HEMK2: variants seen among roughly 807,000 people sequenced by gnomAD.
HEMK2 encodes methyltransferase HEMK2.
the HEMK2 span, among the ~76,000 whole-genome samples, chr21:28,819,401 T>C: frequency 6.6e-6 from 1 of 152,030 alleles, no homozygotes; most frequent in African/African-American, 2.4e-5. Context: ...TATTTAAGCA[T>C]AGGTAAAAGT....
At chr21:28,884,981 G>T in the HEMK2 span, among the ~76,000 whole-genome samples, 2 of 152,158 alleles carry the variant, frequency 1.3e-5, no homozygotes, top group Non-Finnish European at 2.9e-5. Flanking sequence ...AGCAGTCAGG[G>T]AGCTCATGAG....
the HEMK2 span, among the ~76,000 whole-genome samples, chr21:28,740,461 G>A: frequency 9.8e-5 from 15 of 152,312 alleles, no homozygotes; most frequent in East Asian, 3.9e-4. Context: ...TTTACAGTCC[G>A]TTGGCTATCA....
chr21:28,578,133 C>T, the HEMK2 span, among the ~76,000 whole-genome samples: 1 of 152,216 alleles, frequency 6.6e-6, no homozygotes, highest in South Asian at 2.1e-4. Context: ...ACACTCCAGC[C>T]ATTTTGAAAA....
chr21:28,681,006 C>T, the HEMK2 span, among the ~76,000 whole-genome samples: 30,022 of 152,102 alleles, frequency 0.2, 3,190 homozygotes, highest in East Asian at 0.38. Flanking sequence ...CAGGGATGCC[C>T]TCTCTCACCA....
At chr21:28,597,853 T>C in the HEMK2 span, among the ~76,000 whole-genome samples, 1 of 152,148 alleles carries the variant, frequency 6.6e-6, no homozygotes, top group Admixed American at 6.6e-5. Context: ...AGTATAGATA[T>C]TTCCTAGAGA....
chr21:28,701,575 C>A, the HEMK2 span, among the ~76,000 whole-genome samples: 1 of 150,068 alleles, frequency 6.7e-6, no homozygotes, highest in East Asian at 1.9e-4. Flanking sequence ...CACACACACA[C>A]ACACACACAC....
At chr21:28,710,729 C>G in the HEMK2 span, among the ~76,000 whole-genome samples, 17 of 152,236 alleles carry the variant, frequency 1.1e-4, no homozygotes, top group African/African-American at 3.9e-4. Flanking sequence ...AGAAAAGGAT[C>G]AGTTATTTTC....
the HEMK2 span, among the ~76,000 whole-genome samples, chr21:28,839,518 CAA>C: frequency 6.6e-6 from 1 of 152,226 alleles, no homozygotes; most frequent in East Asian, 1.9e-4. Flanking sequence ...AAGAATTCAG[CAA>C]AGTTTCCAGA....
chr21:28,598,778 A>G, the HEMK2 span, among the ~76,000 whole-genome samples: 2 of 152,218 alleles, frequency 1.3e-5, no homozygotes, highest in African/African-American at 4.8e-5. Flanking sequence ...AGGTTGACTG[A>G]AAGTTTTTCT....
chr21:28,591,246 G>A, the HEMK2 span, among the ~76,000 whole-genome samples: 1 of 152,164 alleles, frequency 6.6e-6, no homozygotes, highest in South Asian at 2.1e-4. Context: ...TGAGCAGCAG[G>A]CTAACAGCAG....
the HEMK2 span, among the ~76,000 whole-genome samples, chr21:28,830,656 T>C: frequency 6.6e-6 from 1 of 152,174 alleles, no homozygotes; most frequent in Non-Finnish European, 1.5e-5. Flanking sequence ...GGTGGGCAGA[T>C]CATGAGGTCA....
chr21:28,842,327 T>C, the HEMK2 span, among the ~76,000 whole-genome samples: 10 of 152,198 alleles, frequency 6.6e-5, no homozygotes, highest in African/African-American at 2.4e-4. Context: ...TAATAAAAGA[T>C]TGAGATAATT....
At chr21:28,767,168 C>T in the HEMK2 span, among the ~76,000 whole-genome samples, 5 of 151,970 alleles carry the variant, frequency 3.3e-5, no homozygotes, top group African/African-American at 1.2e-4. Flanking sequence ...TGCCACCATC[C>T]ATGTAAGATG....
the HEMK2 span, among the ~76,000 whole-genome samples, chr21:28,688,491 T>A: frequency 6.6e-6 from 1 of 152,044 alleles, no homozygotes; most frequent in Non-Finnish European, 1.5e-5. Flanking sequence ...GGACTCTTGA[T>A]ACCAGCATGT....
At chr21:28,826,670 A>G in the HEMK2 span, among the ~76,000 whole-genome samples, 22 of 152,180 alleles carry the variant, frequency 1.4e-4, no homozygotes, top group African/African-American at 5.3e-4. Context: ...TCACCAGGGA[A>G]AGTACCTAAA....
At chr21:28,878,378 T>C in the HEMK2 span, 2 of 1,602,458 alleles carry the variant, frequency 1.2e-6, no homozygotes, top group Non-Finnish European at 1.7e-6. Flanking sequence ...TCAAGTTTGA[T>C]TTAGATCACA....
the HEMK2 span, among the ~76,000 whole-genome samples, chr21:28,585,832 G>T: frequency 6.6e-6 from 1 of 152,070 alleles, no homozygotes; most frequent in African/African-American, 2.4e-5. Flanking sequence ...ATTATTGAAA[G>T]ACATAAATCC....
chr21:28,878,234 T>C, the HEMK2 span: 1 of 1,601,020 alleles, frequency 6.2e-7, no homozygotes. Context: ...AATAATCCTC[T>C]TGGTGAAAGG....
the HEMK2 span, among the ~76,000 whole-genome samples, chr21:28,749,731 C>A: frequency 6.6e-6 from 1 of 152,170 alleles, no homozygotes; most frequent in African/African-American, 2.4e-5. Flanking sequence ...ATGAGCACTG[C>A]AATTGAAGGC....
Sources: gnomAD v4.1 joint callset for allele counts (sites outside exome capture counted in the v4.1 genomes callset) on GRCh38, gnomAD v4.1.1 for gene constraint, MANE v1.5 for transcripts, NCBI Gene and HGNC (gene_info 2026-07-23, HGNC 2026-07-21) for gene names.